EPB41L1: variants seen among roughly 807,000 people sequenced by gnomAD.
EPB41L1 encodes the protein band 4.1-like protein 1.
Under a neutral mutation model 97.8 loss-of-function variants are expected in EPB41L1, and 29 were observed. That is an observed-to-expected ratio of 0.30 (90% CI 0.22 to 0.40). The LOEUF (loss-of-function observed/expected upper bound fraction) is 0.40, where lower values mean the gene tolerates loss of function less well. Ranked by LOEUF, EPB41L1 falls within the 10% of genes least tolerant of loss-of-function variation. EPB41L1 has a pLI of 1.00. For missense variants in EPB41L1, 812 were observed against 1,162.3 expected (o/e 0.70, Z 4.38); for synonymous variants, 383 against 459.2 (o/e 0.83, Z 2.12).
chr20:36,128,535 T>G (rs758749008), intron 2 of EPB41L1, among the ~76,000 whole-genome samples: 9 of 152,174 alleles, frequency 5.9e-5, no homozygotes, highest in Non-Finnish European at 8.8e-5. Context: ...AGCAAAGTAA[T>G]GAGACTGAGC....
chr20:36,185,349 AGCCAGG>A lies in EPB41L1; in HGVS notation c.785+18_785+23del. 6.2e-7 allele frequency: 1 copy of A among 1,609,352 alleles called. No homozygotes were observed. ...TAAGACATATAGGTAAGAGGGTGCC[AGCCAGG>A]GCCTTCTGTGGCTCCTTGGCCAGTG... is the stretch of plus-strand genomic sequence containing the variant. On this transcript the variant is annotated intron_variant, in intron 7 of 21. Transcript: ENST00000338074.
chr20:36,124,887 C>T (rs564281439), intron 2 of EPB41L1, among the ~76,000 whole-genome samples: 1 of 152,168 alleles, frequency 6.6e-6, no homozygotes, highest in Admixed American at 6.5e-5. Flanking sequence ...ACTGACATGG[C>T]AGAGAAAATA....
At chr20:36,170,601 C>A (rs1350167714) in intron 1 of EPB41L1, among the ~76,000 whole-genome samples, 1 of 152,136 alleles carries the variant, frequency 6.6e-6, no homozygotes, top group Non-Finnish European at 1.5e-5. Flanking sequence ...CTAGCGTGAA[C>A]CTGAGTACTT....
chr20:36,094,058 C>T (rs2057753842), intron 1 of EPB41L1, among the ~76,000 whole-genome samples: 1 of 152,162 alleles, frequency 6.6e-6, no homozygotes, highest in African/African-American at 2.4e-5. Context: ...TGTCCATACC[C>T]CTTTCTCCAA....
chr20:36,175,764 C>G (rs985393637), intron 3 of EPB41L1, 49 bp downstream of exon 3: 3 of 1,605,818 alleles, frequency 1.9e-6, no homozygotes, highest in Non-Finnish European at 2.6e-6. Flanking sequence ...CAGCCAGCCT[C>G]AGGTCCAGGG....
At chr20:36,210,902 C>G (rs775904740) in intron 15 of EPB41L1, among the ~76,000 whole-genome samples, 1 of 152,144 alleles carries the variant, frequency 6.6e-6, no homozygotes, top group Non-Finnish European at 1.5e-5. Context: ...TTGCAACCAT[C>G]TATAAGAATC....
In EPB41L1 at chr20:36,168,771, C is replaced by G. The variant is rs548472936; in HGVS notation, c.-14-4993C>G. Among the ~76,000 whole-genome samples, 6 of 151,832 alleles carry G rather than the reference C, an allele frequency of 4.0e-5. No individual in the cohort carries two copies. The South Asian group carries it at 1.0e-3, about 27-fold the overall frequency. On this transcript the variant is annotated intron_variant, in intron 1 of 21. Transcript: ENST00000338074. ...GTTTCACCATGTTGGCCAGGATGGT[C>G]TCCACCTCCTGACCTTGTGATCTGC...
chr20:36,192,554 A>T (rs990032913), intron 11 of EPB41L1, among the ~76,000 whole-genome samples: 2 of 149,186 alleles, frequency 1.3e-5, no homozygotes, highest in Admixed American at 6.7e-5. Context: ...AAAAAAAAAA[A>T]GGTGGAAAGT....
chr20:36,223,385 T>C (rs926733343), intron 21 of EPB41L1, among the ~76,000 whole-genome samples: 2 of 152,224 alleles, frequency 1.3e-5, no homozygotes, highest in Non-Finnish European at 2.9e-5. Context: ...TTAGGGACTC[T>C]AATATTCTCT....
intron 7 of EPB41L1, among the ~76,000 whole-genome samples, chr20:36,187,327 T>C (rs2061724586): frequency 6.6e-6 from 1 of 152,160 alleles, no homozygotes; most frequent in Admixed American, 6.5e-5. Context: ...GTGATGATAA[T>C]GAACAATGTC....
intron 2 of EPB41L1, among the ~76,000 whole-genome samples, chr20:36,143,948 G>A (rs1331142126): frequency 1.3e-5 from 2 of 152,010 alleles, no homozygotes; most frequent in Non-Finnish European, 2.9e-5. Flanking sequence ...TGCCTCCCGG[G>A]TTCAAGTGAT....
upstream of EPB41L1, among the ~76,000 whole-genome samples, chr20:36,150,183 G>A (rs150972758): frequency 8.2e-3 from 1,238 of 151,022 alleles, 21 homozygotes; most frequent in African/African-American, 0.029. Context: ...TTATTCTCCT[G>A]CCTCAGCCTC....
intron 21 of EPB41L1, among the ~76,000 whole-genome samples, chr20:36,226,010 T>A (rs886239339): frequency 6.6e-6 from 1 of 152,222 alleles, no homozygotes; most frequent in Non-Finnish European, 1.5e-5. Flanking sequence ...CTTGTTTATG[T>A]TGCCCTGGCA....
At chr20:36,213,703 A>C (rs1351041522) in intron 16 of EPB41L1, among the ~76,000 whole-genome samples, 5 of 152,180 alleles carry the variant, frequency 3.3e-5, no homozygotes, top group Non-Finnish European at 5.9e-5. Flanking sequence ...ACAAAACAAC[A>C]AAAAAAGTTT....
In EPB41L1 at chr20:36,207,880, C is replaced by T. The variant is rs1042665690; in HGVS notation, c.1669-1608C>T. The T allele has an allele frequency of 1.4e-5, 16 of 1,164,048 alleles. No individual in the cohort carries two copies. The highest frequency in any genetic ancestry group is 6.0e-5 in the South Asian group (4 of 66,280). 72.1% of individuals were successfully genotyped at this position (1,164,048 alleles called of 1,614,324 possible). A position where few individuals can be genotyped will look rare whatever the true frequency, so the allele number is the denominator to read the frequency against. On this transcript the variant is annotated intron_variant, in intron 14 of 21. Transcript: ENST00000338074. This position sits in a 1 kb window ranked among gnomAD's most constrained non-coding sequence, Gnocchi z 4.9. ...TTAGAAGCATGTTTCAGTGGCCCCT[C>T]GTCATTTCTGCAATCAGAGGCTGCT...
chr20:36,105,574 G>A (rs1420358761), intron 1 of EPB41L1, among the ~76,000 whole-genome samples: 1 of 152,150 alleles, frequency 6.6e-6, no homozygotes, highest in Non-Finnish European at 1.5e-5. Context: ...TTGATTTCAT[G>A]GAACTTATGC....
At chr20:36,143,409 G>A (rs965670917) in intron 2 of EPB41L1, among the ~76,000 whole-genome samples, 2 of 152,112 alleles carry the variant, frequency 1.3e-5, no homozygotes, top group African/African-American at 4.8e-5. Flanking sequence ...GAGGCAATAT[G>A]ACAAGGGTGA....
Position 36,109,190 on chromosome 20 carries a change from G to A in EPB41L1, c.-64-3236G>A, listed in dbSNP as rs201051180. On this transcript the variant is annotated intron_variant, in intron 1 of 19. Coordinates refer to the EPB41L1 transcript ENST00000202028. Reference sequence around the variant, plus strand: ...TCTCAATCTCCTGACGTCATGATCCGCCTGCCTCGGCCTCCCAAAGTGCTG... The same window carrying A: ...TCTCAATCTCCTGACGTCATGATCCACCTGCCTCGGCCTCCCAAAGTGCTG... Among the ~76,000 whole-genome samples, 15 of 151,972 alleles carry A rather than the reference G, an allele frequency of 9.9e-5. No homozygotes were observed. The East Asian group carries it at 2.3e-3, about 24-fold the overall frequency.
chr20:36,161,637 G>T (rs1157525826), intron 1 of EPB41L1, among the ~76,000 whole-genome samples: 1 of 151,854 alleles, frequency 6.6e-6, no homozygotes, highest in African/African-American at 2.4e-5. Flanking sequence ...CACCTGCCTG[G>T]CTAGTTCTTG....
Sources: gnomAD v4.1 joint callset for allele counts (sites outside exome capture counted in the v4.1 genomes callset) on GRCh38, gnomAD v4.1.1 for gene constraint, Gnocchi (gnomAD v3.1) non-coding constraint, MANE v1.5 for transcripts, NCBI Gene and HGNC (gene_info 2026-07-23, HGNC 2026-07-21) for gene names.